The following DLGAP2 variants were observed in gnomAD, a reference collection of about 807,000 sequenced individuals.
DLGAP2 encodes disks large-associated protein 2.
In DLGAP2, 26 loss-of-function variants were observed where a neutral mutation model predicts 100.3. That is an observed-to-expected ratio of 0.26 (90% CI 0.19 to 0.36). The LOEUF (loss-of-function observed/expected upper bound fraction) is 0.36. DLGAP2 is among the 10% of genes least tolerant of loss of function. DLGAP2 has a pLI of 1.00. For missense variants in DLGAP2, 1,858 were observed against 1,453.2 expected, an observed-to-expected ratio of 1.28 and a Z score of -4.53; for synonymous variants, 886 against 630.1, an observed-to-expected ratio of 1.41 and a Z score of -6.08.
At chr8:1,299,994 C>A (rs1033684413) in intron 3 of DLGAP2, 13 of 152,224 alleles carry the variant, frequency 8.5e-5, no homozygotes, top group African/African-American at 3.1e-4. Flanking sequence ...GCCACCTGCT[C>A]ACTGTGTCCT....
At chr8:965,029 A>C (rs1799815142) in intron 2 of DLGAP2, among the ~76,000 whole-genome samples, 1 of 148,064 alleles carries the variant, frequency 6.8e-6, no homozygotes, top group Non-Finnish European at 1.5e-5. Context: ...CCTGCGCTGC[A>C]CATGGCACTG....
intron 2 of DLGAP2, among the ~76,000 whole-genome samples, chr8:1,088,508 C>T (rs1261355141): frequency 6.6e-6 from 1 of 152,122 alleles, no homozygotes; most frequent in Non-Finnish European, 1.5e-5. Context: ...TTTTTCATGC[C>T]CTTGAGATGG....
At chr8:1,115,731 G>C (rs556159365) in intron 2 of DLGAP2, among the ~76,000 whole-genome samples, 2 of 152,308 alleles carry the variant, frequency 1.3e-5, no homozygotes, top group South Asian at 4.1e-4. Flanking sequence ...TAGAGTTACA[G>C]CTGGTGCTTT....
At chr8:822,623 A>T (rs530835755) in intron 1 of DLGAP2, among the ~76,000 whole-genome samples, 4 of 152,324 alleles carry the variant, frequency 2.6e-5, no homozygotes, top group Non-Finnish European at 5.9e-5. Flanking sequence ...TGTGACTGCA[A>T]ACTGTCCCCA....
At chr8:1,005,448 A>T (rs1213921841) in intron 2 of DLGAP2, among the ~76,000 whole-genome samples, 1 of 135,312 alleles carries the variant, frequency 7.4e-6, no homozygotes, top group Non-Finnish European at 1.5e-5. Context: ...TTGCTCTGTC[A>T]CCCAGGCTGG....
At chr8:822,702 C>T (rs1309254519) in intron 1 of DLGAP2, among the ~76,000 whole-genome samples, 2 of 152,158 alleles carry the variant, frequency 1.3e-5, no homozygotes, top group Admixed American at 6.5e-5. Context: ...AAAGAGCTTT[C>T]CTGTGGAAGC....
At chr8:1,239,920 GCACCGTGTC>G in intron 2 of DLGAP2, among the ~76,000 whole-genome samples, 1 of 132,582 alleles carries the variant, frequency 7.5e-6, no homozygotes, top group African/African-American at 3.0e-5. Flanking sequence ...CTCTCACATG[GCACCGTGTC>G]TAGTTCTCTC....
chr8:1,092,522 G>A (rs1278523774), intron 2 of DLGAP2, among the ~76,000 whole-genome samples: 3 of 152,184 alleles, frequency 2.0e-5, no homozygotes, highest in African/African-American at 7.2e-5. Context: ...CCTGGGTCTG[G>A]GGTCTCCTGG....
At chr8:1,233,008 C>A (rs1246467616) in intron 2 of DLGAP2, among the ~76,000 whole-genome samples, 2 of 152,206 alleles carry the variant, frequency 1.3e-5, no homozygotes, top group Non-Finnish European at 2.9e-5. Context: ...CTGAACATTT[C>A]ATAGGAATAG....
At chr8:894,551 C>T (rs929823342) in intron 1 of DLGAP2, among the ~76,000 whole-genome samples, 5 of 143,856 alleles carry the variant, frequency 3.5e-5, no homozygotes, top group African/African-American at 1.0e-4. Context: ...ATCTCACTCA[C>T]GTGGGAATCT....
intron 5 of DLGAP2, among the ~76,000 whole-genome samples, chr8:1,559,692 G>GA (rs1169748422): frequency 6.6e-6 from 1 of 152,218 alleles, no homozygotes; most frequent in Non-Finnish European, 1.5e-5. Context: ...CTGCCAAAGT[G>GA]AATCTCTTCT....
chr8:1,200,617 G>C (rs932753596), intron 2 of DLGAP2, among the ~76,000 whole-genome samples: 7 of 152,160 alleles, frequency 4.6e-5, no homozygotes, highest in African/African-American at 1.4e-4. Flanking sequence ...TCACCAAAGC[G>C]TCACTTGCGC....
At chr8:1,149,449 A>C in intron 2 of DLGAP2, among the ~76,000 whole-genome samples, 1 of 152,166 alleles carries the variant, frequency 6.6e-6, no homozygotes, top group East Asian at 1.9e-4. Flanking sequence ...GCCTGGCCTG[A>C]AATTACCCTC....
At chr8:949,530 A>G (rs1363192155) in intron 2 of DLGAP2, among the ~76,000 whole-genome samples, 2 of 152,170 alleles carry the variant, frequency 1.3e-5, no homozygotes, top group Admixed American at 6.5e-5. Flanking sequence ...AGGAAGGCAC[A>G]GTCGGGCCAG....
chr8:1,593,253 G>T (rs1380023713), intron 6 of DLGAP2, among the ~76,000 whole-genome samples: 1 of 152,030 alleles, frequency 6.6e-6, no homozygotes, highest in African/African-American at 2.4e-5. Flanking sequence ...AGGAGATTGA[G>T]ACCATCCTGG....
chr8:1,616,894 C>T (rs1277353323), intron 6 of DLGAP2, among the ~76,000 whole-genome samples: 6 of 152,096 alleles, frequency 3.9e-5, no homozygotes, highest in Non-Finnish European at 1.5e-5. Flanking sequence ...CTCCTTCTAA[C>T]CTCCAGGAGG....
chr8:1,150,755 T>A (rs1369990807), intron 2 of DLGAP2, among the ~76,000 whole-genome samples: 1 of 152,154 alleles, frequency 6.6e-6, no homozygotes, highest in Admixed American at 6.5e-5. Flanking sequence ...AGAGCATACA[T>A]GTCAGACTCA....
chr8:1,430,558 G>T (rs1797395848), intron 3 of DLGAP2, among the ~76,000 whole-genome samples: 1 of 152,188 alleles, frequency 6.6e-6, no homozygotes, highest in Non-Finnish European at 1.5e-5. Flanking sequence ...AAACCCCATT[G>T]CTTCTGGGCC....
rs1362983699 is a variant in DLGAP2, at chr8:1,705,570, A to T, written c.*4164A>T. 1.3e-5 allele frequency: 2 copies of T among 152,418 alleles called. No homozygotes were observed. The highest frequency in any genetic ancestry group is 1.5e-5 in the Non-Finnish European group (1 of 68,104). 9.4% of individuals were successfully genotyped at this position (152,418 alleles called of 1,614,324 possible). A position where few individuals can be genotyped will look rare whatever the true frequency, so the allele number is the denominator to read the frequency against. ...GCGCTGGTTCGGGGAGGGCCCCTGG[A>T]TACTGCCTTTGGCCCACACTGAAAA... On this transcript the variant is annotated 3_prime_UTR_variant, in exon 15 of 15. Coordinates refer to ENST00000637795, the MANE Select transcript of DLGAP2 (RefSeq NM_001346810.2).
Sources: allele counts gnomAD v4.1 joint callset (sites outside exome capture counted in the v4.1 genomes callset), GRCh38; gene constraint gnomAD v4.1.1; transcripts MANE v1.5; gene names NCBI Gene and HGNC (gene_info 2026-07-23, HGNC 2026-07-21).